AFG2A: variants seen among roughly 807,000 people sequenced by gnomAD.
The protein encoded by AFG2A is ATPase family gene 2 protein homolog A.
chr4:123,121,508 C>T, the AFG2A span, among the ~76,000 whole-genome samples: 6 of 152,204 alleles, frequency 3.9e-5, no homozygotes, highest in South Asian at 2.1e-4. Flanking sequence ...ACAGGCATAC[C>T]GTTTTTTAAT....
At chr4:122,967,266 A>G in the AFG2A span, among the ~76,000 whole-genome samples, 1 of 151,910 alleles carries the variant, frequency 6.6e-6, no homozygotes, top group African/African-American at 2.4e-5. Flanking sequence ...CGGTGGTGGT[A>G]GTGTGTGTCT....
the AFG2A span, chr4:122,979,458 G>T: frequency 6.7e-7 from 1 of 1,495,292 alleles, no homozygotes; most frequent in South Asian, 1.3e-5. Context: ...AGTTCAGGGA[G>T]ACTGACTTCC....
chr4:123,044,331 T>A, the AFG2A span, among the ~76,000 whole-genome samples: 1 of 152,178 alleles, frequency 6.6e-6, no homozygotes, highest in Non-Finnish European at 1.5e-5. Context: ...GATGAGTTTT[T>A]TCCTTGCAAA....
At chr4:123,008,840 A>G in the AFG2A span, among the ~76,000 whole-genome samples, 2 of 152,224 alleles carry the variant, frequency 1.3e-5, no homozygotes, top group Admixed American at 6.5e-5. Flanking sequence ...AAATTTAAGG[A>G]TAAGTTTAAA....
the AFG2A span, among the ~76,000 whole-genome samples, chr4:123,121,765 T>C: frequency 8.7e-4 from 132 of 152,318 alleles, no homozygotes; most frequent in Admixed American, 1.7e-3. Context: ...CATATCCCCA[T>C]TGTTAAGTGA....
the AFG2A span, among the ~76,000 whole-genome samples, chr4:123,024,991 G>C: frequency 6.6e-6 from 1 of 152,150 alleles, no homozygotes; most frequent in Non-Finnish European, 1.5e-5. Context: ...TAGGGGACGG[G>C]GAATGCGGGG....
chr4:123,129,125 G>A, the AFG2A span, among the ~76,000 whole-genome samples: 2 of 152,114 alleles, frequency 1.3e-5, no homozygotes, highest in African/African-American at 4.8e-5. Flanking sequence ...GGAGGCTACT[G>A]CATTTTCAAT....
At chr4:123,007,780 C>CTT in the AFG2A span, among the ~76,000 whole-genome samples, 149 of 151,790 alleles carry the variant, frequency 9.8e-4, no homozygotes, top group Non-Finnish European at 1.1e-3. Flanking sequence ...ACTCCTAGCT[C>CTT]TGTCTTCTCA....
chr4:123,180,990 T>A, the AFG2A span, among the ~76,000 whole-genome samples: 1 of 148,800 alleles, frequency 6.7e-6, no homozygotes, highest in African/African-American at 2.5e-5. Context: ...TTTTTTTTTT[T>A]TTTTTTTTAT....
the AFG2A span, among the ~76,000 whole-genome samples, chr4:122,943,445 C>G: frequency 6.6e-6 from 1 of 152,208 alleles, no homozygotes; most frequent in Admixed American, 6.5e-5. Flanking sequence ...TTATCAGAGA[C>G]TAGGATTGCA....
the AFG2A span, among the ~76,000 whole-genome samples, chr4:123,026,054 G>A: frequency 5.9e-5 from 9 of 151,950 alleles, no homozygotes; most frequent in African/African-American, 2.2e-4. Flanking sequence ...TAAAATTAAG[G>A]ATTCTCAGGG....
the AFG2A span, among the ~76,000 whole-genome samples, chr4:122,943,892 T>C: frequency 7.9e-3 from 1,200 of 151,892 alleles, 47 homozygotes; most frequent in Admixed American, 0.073. Context: ...CCTTCACTTA[T>C]GAAGCTTAGT....
the AFG2A span, among the ~76,000 whole-genome samples, chr4:123,231,184 C>T: frequency 1.3e-5 from 2 of 152,106 alleles, no homozygotes; most frequent in South Asian, 2.1e-4. Flanking sequence ...TCCTAGATGA[C>T]ATCTTCTTCC....
the AFG2A span, among the ~76,000 whole-genome samples, chr4:123,289,649 C>G: frequency 1.3e-5 from 2 of 152,240 alleles, no homozygotes; most frequent in African/African-American, 4.8e-5. Flanking sequence ...TAAGCATTCC[C>G]TTTTCTCTGC....
At chr4:122,952,651 C>T in the AFG2A span, among the ~76,000 whole-genome samples, 1 of 152,144 alleles carries the variant, frequency 6.6e-6, no homozygotes, top group Admixed American at 6.5e-5. Flanking sequence ...AGTTTGAAAG[C>T]TGGAAAAAGA....
chr4:123,042,787 CTTTA>C, the AFG2A span, among the ~76,000 whole-genome samples: 1,388 of 152,272 alleles, frequency 9.1e-3, 9 homozygotes, highest in Non-Finnish European at 0.014. Flanking sequence ...CACTGCACCA[CTTTA>C]TTTATAGTTT....
At chr4:123,072,966 T>G in the AFG2A span, among the ~76,000 whole-genome samples, 1 of 152,176 alleles carries the variant, frequency 6.6e-6, no homozygotes, top group Non-Finnish European at 1.5e-5. Flanking sequence ...TACAATGTGA[T>G]GTTTTGCTAT....
the AFG2A span, among the ~76,000 whole-genome samples, chr4:123,038,816 C>T: frequency 4.0e-3 from 614 of 151,844 alleles, 2 homozygotes; most frequent in Non-Finnish European, 7.4e-3. Context: ...TTTTTTCTTT[C>T]TGTTTTGTTT....
chr4:123,109,575 G>GA, the AFG2A span, among the ~76,000 whole-genome samples: 2 of 152,056 alleles, frequency 1.3e-5, no homozygotes, highest in African/African-American at 4.8e-5. Context: ...AGCCTCATAG[G>GA]AAAAGATTAT....
Sources: gnomAD v4.1 joint callset for allele counts (sites outside exome capture counted in the v4.1 genomes callset) on GRCh38, gnomAD v4.1.1 for gene constraint, MANE v1.5 for transcripts, NCBI Gene and HGNC (gene_info 2026-07-23, HGNC 2026-07-21) for gene names.